ZCCHC7: variants seen among roughly 807,000 people sequenced by gnomAD.
The protein encoded by ZCCHC7 is zinc finger CCHC-type containing 7, also known as zinc finger CCHC domain-containing protein 7.
A neutral mutation model predicts 52.0 loss-of-function variants in ZCCHC7; 35 were observed. That is an observed-to-expected ratio of 0.67 (90% CI 0.51 to 0.89). The LOEUF (loss-of-function observed/expected upper bound fraction) is 0.89. Ranked by LOEUF, ZCCHC7 falls within the 40% of genes least tolerant of loss-of-function variation. The pLI, the probability that ZCCHC7 is intolerant of heterozygous loss-of-function variation, is 0.00. For synonymous variants in ZCCHC7, 217 were observed against 221.5 expected (o/e 0.98, Z 0.18); for missense variants, 574 against 649.1 (o/e 0.88, Z 1.26).
chr9:37,123,906 C>G (rs147669652), intron 1 of ZCCHC7, among the ~76,000 whole-genome samples: 33 of 152,284 alleles, frequency 2.2e-4, no homozygotes, highest in Admixed American at 7.8e-4. Context: ...GCATAGCCAC[C>G]TGAAGGACAG....
At chr9:37,194,151 T>C (rs544593991) in intron 2 of ZCCHC7, among the ~76,000 whole-genome samples, 6 of 152,148 alleles carry the variant, frequency 3.9e-5, no homozygotes, top group East Asian at 1.9e-4. Flanking sequence ...CTCTAAAAAA[T>C]TGGGTACTTG....
At chr9:37,162,577 A>G (rs1336652122) in intron 2 of ZCCHC7, among the ~76,000 whole-genome samples, 1 of 152,200 alleles carries the variant, frequency 6.6e-6, no homozygotes, top group East Asian at 1.9e-4. Flanking sequence ...AATACTTTTT[A>G]TTATATATTG....
chr9:37,199,508 AT>A, intron 2 of ZCCHC7, among the ~76,000 whole-genome samples: 1 of 145,094 alleles, frequency 6.9e-6, no homozygotes, highest in South Asian at 2.2e-4. Context: ...ATTTTTTGTA[AT>A]TTTACTAGAC....
chr9:37,318,343 C>T (rs1368767523), intron 5 of ZCCHC7, among the ~76,000 whole-genome samples: 1 of 151,880 alleles, frequency 6.6e-6, no homozygotes, highest in Non-Finnish European at 1.5e-5. Flanking sequence ...GCTCTGTAAT[C>T]CCAACTACTT....
chr9:37,173,690 G>A (rs750424304), intron 2 of ZCCHC7, among the ~76,000 whole-genome samples: 22 of 152,036 alleles, frequency 1.4e-4, no homozygotes, highest in Admixed American at 9.2e-4. Context: ...TTATGTGTTC[G>A]ATTTGTTAAT....
rs1564275792 is a variant in ZCCHC7, at chr9:37,354,812, CA to C, written c.1192del (p.Ile398Ter). On this transcript the variant is annotated frameshift_variant, in exon 8 of 9. Transcript: ENST00000336755. LOFTEE classifies it low-confidence loss of function (END_TRUNC). This position sits in a 1 kb window ranked among gnomAD's most constrained non-coding sequence, Gnocchi z 4.0. ...TCAGGAGAGAGAAAAGAGACTAAAA[CA>C]AAAAATAAAAGGTATGTTGCTAGAC... Reference protein sequence around the residue: ...EIQEREKRLKQKIKVLKKNGV... With the variant: ...EIQEREKRLKXKIKVLKKNGV... The C allele has an allele frequency of 6.2e-7, 1 of 1,600,198 alleles. No homozygotes were observed. Among genetic ancestry groups the C allele is most frequent in the South Asian group, 1.1e-5 (1 of 90,232 alleles).
At chr9:37,312,032 G>A (rs1362101316) in intron 5 of ZCCHC7, among the ~76,000 whole-genome samples, 1 of 152,126 alleles carries the variant, frequency 6.6e-6, no homozygotes, top group Admixed American at 6.6e-5. Context: ...TAAGAAACAG[G>A]TATTTATTTT....
At chr9:37,142,913 C>T (rs1040645690) in intron 2 of ZCCHC7, among the ~76,000 whole-genome samples, 1 of 151,748 alleles carries the variant, frequency 6.6e-6, no homozygotes, top group Non-Finnish European at 1.5e-5. Flanking sequence ...GGAATTAATT[C>T]TGTTAGCATG....
intron 2 of ZCCHC7, among the ~76,000 whole-genome samples, chr9:37,287,051 A>G (rs1429930855): frequency 2.0e-5 from 2 of 102,180 alleles, no homozygotes; most frequent in African/African-American, 7.8e-5. Context: ...TGTTGTTGAA[A>G]CAGAGCCTCT....
intron 1 of ZCCHC7, among the ~76,000 whole-genome samples, chr9:37,121,173 C>T (rs894838787): frequency 1.3e-5 from 2 of 152,166 alleles, no homozygotes; most frequent in African/African-American, 4.8e-5. Context: ...TGTGAGCGGA[C>T]AGTTGCCTTC....
chr9:37,157,469 G>T (rs942384525), intron 2 of ZCCHC7, among the ~76,000 whole-genome samples: 1 of 152,080 alleles, frequency 6.6e-6, no homozygotes. Flanking sequence ...TGCAGCCTGG[G>T]TGACAGAGTG....
intron 2 of ZCCHC7, among the ~76,000 whole-genome samples, chr9:37,162,051 A>G (rs1176522623): frequency 6.6e-6 from 1 of 152,210 alleles, no homozygotes; most frequent in Non-Finnish European, 1.5e-5. Context: ...TACTTTGGAA[A>G]GTTGTGGAGA....
At chr9:37,209,074 T>G (rs1824072843) in intron 2 of ZCCHC7, among the ~76,000 whole-genome samples, 1 of 152,022 alleles carries the variant, frequency 6.6e-6, no homozygotes, top group Non-Finnish European at 1.5e-5. Context: ...GGAGTCTCAC[T>G]CTGTTGCCCA....
At chr9:37,294,856 G>A (rs1384405752) in intron 2 of ZCCHC7, among the ~76,000 whole-genome samples, 1 of 152,080 alleles carries the variant, frequency 6.6e-6, no homozygotes, top group African/African-American at 2.4e-5. Flanking sequence ...TATTGACATA[G>A]CCCTTAATAC....
intron 2 of ZCCHC7, among the ~76,000 whole-genome samples, chr9:37,141,412 G>T (rs1001624672): frequency 1.3e-5 from 2 of 151,764 alleles, no homozygotes; most frequent in African/African-American, 4.8e-5. Context: ...GATCCATGGG[G>T]ACTAGCAGGG....
chr9:37,120,451 G>T, upstream of ZCCHC7: 3 of 397,258 alleles, frequency 7.6e-6, no homozygotes, highest in East Asian at 1.1e-4. Context: ...CACATCAGGC[G>T]CGGCAGGTGG....
At chr9:37,210,620 CTATT>C (rs1824166681) in intron 2 of ZCCHC7, among the ~76,000 whole-genome samples, 1 of 152,170 alleles carries the variant, frequency 6.6e-6, no homozygotes, top group African/African-American at 2.4e-5. Context: ...CTAAATATAA[CTATT>C]TAACCAGCAT....
At chr9:37,145,117 G>A (rs894100487) in intron 2 of ZCCHC7, 7 of 151,838 alleles carry the variant, frequency 4.6e-5, no homozygotes, top group African/African-American at 1.5e-4. Context: ...GTCAGCCTTC[G>A]TCTTGTAATA....
Position 37,304,317 on chromosome 9 carries a change from C to T in ZCCHC7, c.780+4C>T, listed in dbSNP as rs986048916. Reference sequence around the variant, plus strand: ...AAAAAACTGCCCCTTACCACGAGTACGTGAAATATGCTTTGCTTCTTTCCA... The same window carrying T: ...AAAAAACTGCCCCTTACCACGAGTATGTGAAATATGCTTTGCTTCTTTCCA... On this transcript the variant is annotated splice_donor_region_variant and intron_variant, in intron 4 of 8. Coordinates refer to ENST00000336755, the MANE Select transcript of ZCCHC7 (RefSeq NM_032226.3). 5 of 1,611,860 alleles carry T rather than the reference C, an allele frequency of 3.1e-6. No individual in the cohort carries two copies. Among genetic ancestry groups the T allele is most frequent in the East Asian group, 4.5e-5 (2 of 44,852 alleles).
Sources: allele counts gnomAD v4.1 joint callset (sites outside exome capture counted in the v4.1 genomes callset), GRCh38; gene constraint gnomAD v4.1.1; non-coding constraint Gnocchi (gnomAD v3.1); transcripts MANE v1.5; gene names NCBI Gene and HGNC (gene_info 2026-07-23, HGNC 2026-07-21).